Variants in CLN8 observed in about 807,000 individuals in gnomAD.
The protein encoded by CLN8 is CLN8 transmembrane ER and ERGIC protein, also known as protein CLN8.
A neutral mutation model predicts 15.7 loss-of-function variants in CLN8; 14 were observed. The ratio of observed to expected loss-of-function variants is 0.89; its 90% CI spans 0.59 to 1.39. The LOEUF (loss-of-function observed/expected upper bound fraction) is 1.39. Ranked by LOEUF, CLN8 falls within the 40% of genes most tolerant of loss-of-function variation. The pLI is 0.00. For missense variants in CLN8, 415 were observed against 364.0 expected, an observed-to-expected ratio of 1.14 and a Z score of -1.14; for synonymous variants, 188 against 151.0, an observed-to-expected ratio of 1.25 and a Z score of -1.80.
intron 2 of CLN8, among the ~76,000 whole-genome samples, chr8:1,779,561 G>C (rs1801642094): frequency 6.6e-6 from 1 of 152,206 alleles, no homozygotes; most frequent in Non-Finnish European, 1.5e-5. Context: ...AGAATATTTT[G>C]CCGGGGAGGT....
upstream of CLN8, chr8:1,762,367 T>C (rs1585121638): frequency 6.6e-6 from 1 of 152,072 alleles, no homozygotes; most frequent in Non-Finnish European, 1.5e-5. Flanking sequence ...TCTCCCAAAC[T>C]GCTGGGATTA....
chr8:1,781,980 T>TGTGA lies in CLN8; in HGVS notation c.*1414_*1415insTGAG, dbSNP rs1554452065. 1.3e-5 allele frequency: 2 copies of TGTGA among 151,558 alleles called. No individual in the cohort carries two copies. Among genetic ancestry groups the TGTGA allele is most frequent in the African/African-American group, 4.9e-5 (2 of 41,080 alleles). 9.4% of individuals were successfully genotyped at this position (151,558 alleles called of 1,614,324 possible). A position where few individuals can be genotyped will look rare whatever the true frequency, so the allele number is the denominator to read the frequency against. ...GTGTGTGTGTGTGTGTGTGTGTGTGTGAGTGTTTTGATATAAACGTGCAAT... is the reference window on the plus strand; with the variant it reads ...GTGTGTGTGTGTGTGTGTGTGTGTGTGTGAGAGTGTTTTGATATAAACGTGCAAT... On this transcript the variant is annotated 3_prime_UTR_variant, in exon 3 of 3. Coordinates refer to ENST00000331222, the MANE Select transcript of CLN8 (RefSeq NM_018941.4).
At position 1,780,238 on chromosome 8, in the gene CLN8, C is replaced by G; in HGVS notation, c.544-12C>G. On this transcript the variant is annotated splice_polypyrimidine_tract_variant and intron_variant, in intron 2 of 2. Transcript: ENST00000331222. ...TCGCATTGACTTGTGCATTTGTCTT[C>G]TCTCCATGCAGGCGGGCTGGTCCGA... 6.2e-7 allele frequency: 1 copy of G among 1,614,272 alleles called. No homozygotes were observed. The highest frequency in any genetic ancestry group is 8.5e-7 in the Non-Finnish European group (1 of 1,180,050).
At chr8:1,757,714 G>C (rs573900230) in intron 1 of CLN8, among the ~76,000 whole-genome samples, 1 of 152,162 alleles carries the variant, frequency 6.6e-6, no homozygotes, top group East Asian at 1.9e-4. Flanking sequence ...TTATAGGCAC[G>C]AGCCACCATG....
intron 1 of CLN8, among the ~76,000 whole-genome samples, chr8:1,767,598 G>A (rs1472369991): frequency 2.1e-5 from 3 of 142,094 alleles, no homozygotes; most frequent in Non-Finnish European, 3.0e-5. Flanking sequence ...TTGAGACGGG[G>A]TCTCATCTTG....
In CLN8 at chr8:1,780,403, C is replaced by T; in HGVS notation, c.697C>T (p.Leu233=). ...VSSLYLPHLT[L]FLVGLALLTL... The stretch of plus-strand genomic sequence containing the variant: ...CAGCCTGTATCTGCCTCATTTGACA[C>T]TGTTCCTTGTCGGACTGGCTCTGCT... The change falls in exon 3 of 3, where the codon CTG becomes TTG. Residue 233 remains leucine, a synonymous_variant. Coordinates refer to ENST00000331222, the MANE Select transcript of CLN8 (RefSeq NM_018941.4). 6.2e-7 allele frequency: 1 copy of T among 1,614,246 alleles called. No homozygotes were observed. The highest frequency in any genetic ancestry group is 8.5e-7 in the Non-Finnish European group (1 of 1,180,044).
At chr8:1,763,440 CCCCCGCCGCG>C (rs1277613845), upstream of CLN8, 1 of 16,962 alleles carries the variant, frequency 5.9e-5, no homozygotes, top group Non-Finnish European at 1.1e-4. Flanking sequence ...CGCGCCCCGC[CCCCCGCCGCG>C]CCCCGCCCCC....
At chr8:1,761,164 C>A (rs953595668), upstream of CLN8, among the ~76,000 whole-genome samples, 1 of 151,492 alleles carries the variant, frequency 6.6e-6, no homozygotes, top group African/African-American at 2.4e-5. Flanking sequence ...GGATTACAGG[C>A]TACTGTAACT....
intron 1 of CLN8, among the ~76,000 whole-genome samples, chr8:1,766,234 C>T (rs558919128): frequency 1.3e-5 from 2 of 152,186 alleles, no homozygotes; most frequent in African/African-American, 2.4e-5. Context: ...AAATGAAGAT[C>T]TGCAGCGTCA....
chr8:1,771,698 G>T, intron 2 of CLN8, 101 bp downstream of exon 2: 1 of 1,027,710 alleles, frequency 9.7e-7, no homozygotes, highest in Non-Finnish European at 1.5e-6. Flanking sequence ...AGGCTGGATT[G>T]CAGCACACAC....
chr8:1,771,161 T>C lies in CLN8; in HGVS notation c.107T>C (p.Leu36Ser). ...TLMVAGFVFY[L>S]GVFVVCHQLS... ...ATGGTCGCTGGCTTTGTCTTCTACT[T>C]GGGCGTCTTTGTGGTCTGCCACCAG... The change falls in exon 2 of 3, where the codon TTG becomes TCG. Residue 36 changes from leucine to serine, a missense_variant. By Grantham distance (145) the Leu-to-Ser change is moderately radical. Coordinates refer to ENST00000331222, the MANE Select transcript of CLN8 (RefSeq NM_018941.4). 6.2e-7 allele frequency: 1 copy of C among 1,614,098 alleles called. No individual in the cohort carries two copies. The highest frequency in any genetic ancestry group is 2.2e-5 in the East Asian group (1 of 44,838).
chr8:1,782,293 T>A lies in CLN8; in HGVS notation c.*1726T>A, dbSNP rs1472578124. The A allele has an allele frequency of 6.6e-6, 1 of 152,016 alleles. No individual in the cohort carries two copies. The highest frequency in any genetic ancestry group is 2.4e-5 in the African/African-American group (1 of 41,360). The allele number at this position is 152,016 out of a possible 1,614,324, so 9.4% of individuals were successfully genotyped here. A position where few individuals can be genotyped will look rare whatever the true frequency, so the allele number is the denominator to read the frequency against. Reference sequence around the variant, plus strand: ...TCAAGTAGCTGGGATTACAGGTACCTCTACCATGCCTGGCTGATTTTTTGT... The same window carrying A: ...TCAAGTAGCTGGGATTACAGGTACCACTACCATGCCTGGCTGATTTTTTGT... On this transcript the variant is annotated 3_prime_UTR_variant, in exon 3 of 3. Coordinates refer to ENST00000331222, the MANE Select transcript of CLN8 (RefSeq NM_018941.4).
chr8:1,757,550 C>T (rs554796077), intron 1 of CLN8, among the ~76,000 whole-genome samples: 2 of 152,280 alleles, frequency 1.3e-5, no homozygotes, highest in African/African-American at 4.8e-5. Flanking sequence ...ATGTAATTCT[C>T]CTGCCTCAGC....
At chr8:1,770,374 G>A (rs577448584) in intron 1 of CLN8, among the ~76,000 whole-genome samples, 1 of 152,276 alleles carries the variant, frequency 6.6e-6, no homozygotes, top group East Asian at 1.9e-4. Flanking sequence ...ACCAGAGAAG[G>A]TATAATTGAT....
upstream of CLN8, among the ~76,000 whole-genome samples, chr8:1,761,012 C>CTTTT (rs61327257): frequency 1.4e-3 from 97 of 67,590 alleles, 1 homozygote; most frequent in African/African-American, 2.8e-3. Context: ...CTATAGCCAT[C>CTTTT]TTTTTTTTTT....
Position 1,771,334 on chromosome 8 carries a change from G to C in CLN8, c.280G>C (p.Asp94His), listed in dbSNP as rs143918546. Reference sequence around the variant, plus strand: ...GCTGGGGGACCCTGTGCTGCATGCCGACAAGGCGCGTGGCCAGCAGAACTG... The same window carrying C: ...GCTGGGGGACCCTGTGCTGCATGCCCACAAGGCGCGTGGCCAGCAGAACTG... Reference protein sequence around the residue: ...ALLGDPVLHADKARGQQNWCW... With the variant: ...ALLGDPVLHAHKARGQQNWCW... Residue 94 changes from aspartate (D) to histidine (H), a missense_variant, in exon 2 of 3, where the codon GAC (aspartate) becomes CAC (histidine). Physicochemically the swap from Asp to His is moderately conservative, Grantham distance 81 (BLOSUM62 -1). Transcript: ENST00000331222. 1.2e-5 allele frequency: 20 copies of C among 1,614,046 alleles called. No homozygotes were observed. In the African/African-American group the frequency reaches 2.5e-4, roughly 20 times the overall value.
intron 1 of CLN8, chr8:1,758,252 T>C (rs746695464): frequency 2.6e-5 from 4 of 152,240 alleles, no homozygotes; most frequent in Non-Finnish European, 1.5e-5. Flanking sequence ...TTCTAAGGTT[T>C]AATTTTGCCA....
rs1015907845 is a variant in CLN8, at chr8:1,764,366, G to GCGGAGA, written c.-124+486_-124+487insACGGAG. ...GGACGGAGGGAGGGGACAGGCGGAG[G>GCGGAGA]CGGAGGCGGCGCCGTCGCCCCTGAC... On this transcript the variant is annotated intron_variant, in intron 1 of 2. Transcript: ENST00000331222. 69 of 152,876 alleles carry GCGGAGA rather than the reference G, an allele frequency of 4.5e-4. 1 individual carries two copies. The highest frequency in any genetic ancestry group is 2.1e-3 in the Admixed American group (32 of 15,288). The allele number at this position is 152,876 out of a possible 1,614,324, so 9.5% of individuals were successfully genotyped here.
At chr8:1,774,914 A>G (rs750510371) in intron 2 of CLN8, among the ~76,000 whole-genome samples, 2 of 152,182 alleles carry the variant, frequency 1.3e-5, no homozygotes, top group African/African-American at 2.4e-5. Flanking sequence ...CTGGGAGTTC[A>G]AGGTTACAGT....
Sources: gnomAD v4.1 joint callset for allele counts (sites outside exome capture counted in the v4.1 genomes callset) on GRCh38, gnomAD v4.1.1 for gene constraint, MANE v1.5 for transcripts, NCBI Gene and HGNC (gene_info 2026-07-23, HGNC 2026-07-21) for gene names.